Variants in BBS9 observed in about 807,000 individuals in gnomAD.
The protein encoded by BBS9 is protein PTHB1.
Under a neutral mutation model 117.7 loss-of-function variants are expected in BBS9, and 89 were observed. The ratio of observed to expected loss-of-function variants is 0.76; its 90% confidence interval spans 0.64 to 0.90. The LOEUF is 0.90. Ranked by LOEUF, BBS9 falls within the 40% of genes least tolerant of loss-of-function variation. The pLI, the probability that BBS9 is intolerant of heterozygous loss-of-function variation, is 0.00. For missense variants in BBS9, 982 were observed against 1,042.2 expected, an observed-to-expected ratio of 0.94 and a Z score of 0.80; for synonymous variants, 379 against 370.9, an observed-to-expected ratio of 1.02 and a Z score of -0.25.
At chr7:33,542,699 ATGTGTGTGTGTGTGTG>A (rs200416682) in intron 21 of BBS9, among the ~76,000 whole-genome samples, 3 of 145,860 alleles carry the variant, frequency 2.1e-5, no homozygotes, top group South Asian at 2.2e-4. Context: ...CATTATATAT[ATGTGTGTGTGTGTGTG>A]TGTGTGTGTG....
At chr7:33,593,072 G>A (rs1305241463) in intron 21 of BBS9, among the ~76,000 whole-genome samples, 1 of 152,094 alleles carries the variant, frequency 6.6e-6, no homozygotes, top group South Asian at 2.1e-4. Context: ...TTAAAATTAT[G>A]TGTCTTTCCA....
At chr7:33,281,195 T>C (rs1801817419) in intron 9 of BBS9, among the ~76,000 whole-genome samples, 2 of 151,826 alleles carry the variant, frequency 1.3e-5, no homozygotes, top group African/African-American at 2.4e-5. Flanking sequence ...AGATATTCTA[T>C]GTTAGTCAGC....
At chr7:33,338,593 T>G (rs1156321768) in intron 10 of BBS9, among the ~76,000 whole-genome samples, 1 of 152,178 alleles carries the variant, frequency 6.6e-6, no homozygotes, top group Non-Finnish European at 1.5e-5. Context: ...GTTGTACACA[T>G]GGTGTATATT....
At chr7:33,522,294 T>C (rs1413261573) in intron 20 of BBS9, among the ~76,000 whole-genome samples, 2 of 152,076 alleles carry the variant, frequency 1.3e-5, no homozygotes, top group Admixed American at 6.5e-5. Flanking sequence ...ATGGTATTTC[T>C]AGTTCTAGAT....
chr7:33,576,688 G>C (rs1287322882), intron 21 of BBS9, among the ~76,000 whole-genome samples: 1 of 152,178 alleles, frequency 6.6e-6, no homozygotes, highest in Non-Finnish European at 1.5e-5. Flanking sequence ...AAAACAGCAT[G>C]ATACTGGTAC....
In BBS9 at chr7:33,464,940, C is replaced by T. The variant is rs185354687; in HGVS notation, c.2116-40523C>T. Reference sequence around the variant, plus strand: ...TCCTGGGCTCAATCGATTCTCTCATCTCAGCTTCCCGAGTAGCTGGGACTA... The same window carrying T: ...TCCTGGGCTCAATCGATTCTCTCATTTCAGCTTCCCGAGTAGCTGGGACTA... On this transcript the variant is annotated intron_variant, in intron 19 of 22. Transcript: ENST00000242067. 6.6e-5 allele frequency among the ~76,000 whole-genome samples: 10 copies of T among 152,204 alleles called. No individual in the cohort carries two copies. The East Asian group carries it at 1.9e-3, about 29-fold the overall frequency.
At chr7:33,151,848 GC>G (rs1584173330) in intron 2 of BBS9, among the ~76,000 whole-genome samples, 1 of 121,496 alleles carries the variant, frequency 8.2e-6, no homozygotes, top group Admixed American at 8.5e-5. Flanking sequence ...ACTGCACCCA[GC>G]CTTTTTTTTT....
intron 19 of BBS9, among the ~76,000 whole-genome samples, chr7:33,464,751 T>C (rs1159141733): frequency 6.6e-6 from 1 of 152,028 alleles, no homozygotes; most frequent in Non-Finnish European, 1.5e-5. Context: ...TATATTCTCA[T>C]GAGTCTATTA....
chr7:33,485,975 A>T (rs572141668), intron 19 of BBS9, among the ~76,000 whole-genome samples: 1 of 152,258 alleles, frequency 6.6e-6, no homozygotes, highest in Non-Finnish European at 1.5e-5. Flanking sequence ...ATGACTACAC[A>T]ATGGTGGGTT....
intron 9 of BBS9, among the ~76,000 whole-genome samples, chr7:33,315,858 T>C (rs141000894): frequency 1.8e-4 from 27 of 152,332 alleles, no homozygotes; most frequent in African/African-American, 5.8e-4. Context: ...AAGTAAATAG[T>C]ATAATAAACT....
At chr7:33,474,002 A>G (rs778409386) in intron 19 of BBS9, among the ~76,000 whole-genome samples, 4 of 152,242 alleles carry the variant, frequency 2.6e-5, no homozygotes, top group Admixed American at 6.5e-5. Context: ...TACACTTTGA[A>G]GATTTTAAAT....
chr7:33,441,538 T>A (rs1278831004), intron 19 of BBS9, among the ~76,000 whole-genome samples: 1 of 152,212 alleles, frequency 6.6e-6, no homozygotes, highest in African/African-American at 2.4e-5. Flanking sequence ...ACTACATAAA[T>A]TATGTCTATT....
chr7:33,605,454 G>A lies in BBS9; in HGVS notation c.*228G>A, dbSNP rs964358006. 2 of 590,804 alleles carry A rather than the reference G, an allele frequency of 3.4e-6. No homozygotes were observed. The highest frequency in any genetic ancestry group is 6.1e-6 in the Non-Finnish European group (2 of 330,266). 36.6% of individuals were successfully genotyped at this position (590,804 alleles called of 1,614,324 possible). A position where few individuals can be genotyped will look rare whatever the true frequency, so the allele number is the denominator to read the frequency against. Reference sequence around the variant, plus strand: ...TTGTCTTGTTTTGCCAGGAAAGGAAGTAGTTGCCTTTGGTCATCCATCTGC... The same window carrying A: ...TTGTCTTGTTTTGCCAGGAAAGGAAATAGTTGCCTTTGGTCATCCATCTGC... On this transcript the variant is annotated 3_prime_UTR_variant, in exon 23 of 23. Transcript: ENST00000242067.
rs138305970 is a variant in BBS9, at chr7:33,362,367, C to CT, written c.1693+4381dup. On this transcript the variant is annotated intron_variant, in intron 16 of 22. Transcript: ENST00000242067. ...ATCCAAGGTTGCAAAGTTTCTCTCT[C>CT]TTTTTTTTTGATAGAAGTTTTCTAG... Among the ~76,000 whole-genome samples, 1,497 of 151,206 alleles carry CT rather than the reference C, an allele frequency of 9.9e-3. 25 individuals carry two copies. Among genetic ancestry groups the CT allele is most frequent in the African/African-American group, 0.034 (1,387 of 41,278 alleles).
At chr7:33,510,953 T>C (rs938452518) in intron 20 of BBS9, among the ~76,000 whole-genome samples, 3 of 152,240 alleles carry the variant, frequency 2.0e-5, no homozygotes, top group African/African-American at 7.2e-5. Flanking sequence ...ATTTGTGATA[T>C]CCTAGGTTCA....
At chr7:33,493,122 G>A (rs879857082) in intron 19 of BBS9, among the ~76,000 whole-genome samples, 2 of 152,054 alleles carry the variant, frequency 1.3e-5, no homozygotes, top group Non-Finnish European at 2.9e-5. Flanking sequence ...AGCCTCCTGA[G>A]TAGCTGAGAT....
chr7:33,616,211 T>A (rs976017549), intron 21 of BBS9, among the ~76,000 whole-genome samples: 3 of 150,198 alleles, frequency 2.0e-5, no homozygotes, highest in Non-Finnish European at 4.4e-5. Context: ...ATAAACAATG[T>A]ATTAAAATAT....
intron 9 of BBS9, among the ~76,000 whole-genome samples, chr7:33,293,772 TTAC>T (rs1251828080): frequency 1.3e-5 from 2 of 152,218 alleles, no homozygotes; most frequent in Admixed American, 6.5e-5. Context: ...ATACTGTTAA[TTAC>T]TACAATTATT....
intron 21 of BBS9, among the ~76,000 whole-genome samples, chr7:33,588,792 A>T (rs936745378): frequency 9.9e-5 from 15 of 152,134 alleles, no homozygotes; most frequent in Admixed American, 2.0e-4. Context: ...CAGAAATCAG[A>T]GGGACAAGTG....
Sources: gnomAD v4.1 joint callset for allele counts (sites outside exome capture counted in the v4.1 genomes callset) on GRCh38, gnomAD v4.1.1 for gene constraint, MANE v1.5 for transcripts, NCBI Gene and HGNC (gene_info 2026-07-23, HGNC 2026-07-21) for gene names.